CFAP20DC: variants seen among roughly 807,000 people sequenced by gnomAD.
CFAP20DC encodes CFAP20 domain containing.
Under a neutral mutation model 101.7 loss-of-function variants are expected in CFAP20DC, and 84 were observed. The ratio of observed to expected loss-of-function variants is 0.83; its 90% CI spans 0.69 to 0.99. The LOEUF (loss-of-function observed/expected upper bound fraction) is 0.99, where lower values mean the gene tolerates loss of function less well. CFAP20DC is among the 50% of genes least tolerant of loss of function. The probability of loss-of-function intolerance (pLI) is 0.00; values close to 1 mark genes in which losing one functional copy is unlikely to be tolerated. For synonymous variants in CFAP20DC, 359 were observed against 351.2 expected, an observed-to-expected ratio of 1.02 and a Z score of -0.25; for missense variants, 1,007 against 970.3, an observed-to-expected ratio of 1.04 and a Z score of -0.50.
chr3:58,823,428 A>G (rs921221991), intron 14 of CFAP20DC, among the ~76,000 whole-genome samples: 7 of 152,216 alleles, frequency 4.6e-5, no homozygotes, highest in African/African-American at 9.6e-5. Flanking sequence ...AGTATCTACA[A>G]TGAACTACGA....
intron 4 of CFAP20DC, among the ~76,000 whole-genome samples, chr3:58,972,204 T>C (rs189751548): frequency 1.3e-5 from 2 of 152,314 alleles, no homozygotes; most frequent in East Asian, 3.9e-4. Context: ...ATAGGGGCGT[T>C]CTGCTAGGCT....
chr3:58,999,999 T>TA (rs1344673086), intron 4 of CFAP20DC, among the ~76,000 whole-genome samples: 1 of 151,976 alleles, frequency 6.6e-6, no homozygotes, highest in Non-Finnish European at 1.5e-5. Flanking sequence ...CCATATGGAA[T>TA]AAAAAAACTC....
At chr3:58,969,980 G>C (rs1283545801) in intron 4 of CFAP20DC, among the ~76,000 whole-genome samples, 4 of 151,986 alleles carry the variant, frequency 2.6e-5, no homozygotes, top group Non-Finnish European at 5.9e-5. Context: ...AAAAATGACA[G>C]AATCATCCAC....
At chr3:59,039,855 C>A (rs1161861218) in intron 3 of CFAP20DC, among the ~76,000 whole-genome samples, 3 of 151,852 alleles carry the variant, frequency 2.0e-5, no homozygotes, top group Non-Finnish European at 4.4e-5. Flanking sequence ...CCATCTGTGG[C>A]CTTCGTGAAA....
chr3:59,045,491 AAATC>A lies in CFAP20DC; in HGVS notation c.205+734_205+737del, dbSNP rs1290277142. On this transcript the variant is annotated intron_variant, in intron 3 of 16. Transcript: ENST00000482387. Reference sequence around the variant, plus strand: ...ATCATTCTGATAAATCATATTCCTTAAATCAATCAGTTTACTCAAGGTCTAATTT... The same window carrying A: ...ATCATTCTGATAAATCATATTCCTTAAATCAGTTTACTCAAGGTCTAATTT... Among the ~76,000 whole-genome samples the A allele has an allele frequency of 1.8e-4, 28 of 152,124 alleles. 1 individual carries two copies. Among genetic ancestry groups the A allele is most frequent in the Admixed American group, 1.8e-3 (28 of 15,264 alleles).
At chr3:58,858,291 C>T (rs2078995376) in intron 12 of CFAP20DC, among the ~76,000 whole-genome samples, 1 of 152,168 alleles carries the variant, frequency 6.6e-6, no homozygotes, top group Non-Finnish European at 1.5e-5. Flanking sequence ...GTGCCAGGAA[C>T]ATCAATAGAG....
chr3:58,922,753 G>T (rs1438229456), intron 5 of CFAP20DC, among the ~76,000 whole-genome samples: 3 of 151,850 alleles, frequency 2.0e-5, no homozygotes, highest in Non-Finnish European at 4.4e-5. Flanking sequence ...TCCAGCTTCA[G>T]ATATTCCTTT....
chr3:59,047,167 T>C lies in CFAP20DC; in HGVS notation c.109A>G (p.Lys37Glu), dbSNP rs1224223258. 1 of 1,529,522 alleles carries C rather than the reference T, an allele frequency of 6.5e-7. No homozygotes were observed. The highest frequency in any genetic ancestry group is 2.4e-5 in the East Asian group (1 of 40,866). 94.7% of individuals were successfully genotyped at this position (1,529,522 alleles called of 1,614,324 possible). A position where few individuals can be genotyped will look rare whatever the true frequency, so the allele number is the denominator to read the frequency against. ...KILGSPSVIW[K>E]EFDKEVKSFV... is the part of the protein sequence containing the mutation. The stretch of plus-strand genomic sequence containing the variant: ...TGGCTCTAATTTCTAATACTTACTT[T>C]CCAAATCACAGATGGACTACCAAGG... The change falls in exon 2 of 17, where the codon AAA becomes GAA. Residue 37 changes from lysine (K) to glutamate (E), a missense_variant and splice_region_variant. By Grantham distance (56) the Lys-to-Glu change is moderately conservative. Transcript: ENST00000482387.
At chr3:58,813,248 C>T (rs924621890) in intron 14 of CFAP20DC, among the ~76,000 whole-genome samples, 1 of 151,874 alleles carries the variant, frequency 6.6e-6, no homozygotes, top group African/African-American at 2.4e-5. Flanking sequence ...CATAGCTGAA[C>T]AACTATATCT....
In CFAP20DC at chr3:58,788,035, T is replaced by C. The variant is rs1388559866; in HGVS notation, c.2237+18360A>G. ...ATAGCATTAGGAGAAACACCTAATG[T>C]AGATGATGGGTTGATAGGTGCAGCA... On this transcript the variant is annotated intron_variant, in intron 15 of 16. Transcript: ENST00000482387. This position sits in a 1 kb window ranked among gnomAD's most constrained non-coding sequence, Gnocchi z 4.2. 5.3e-5 allele frequency among the ~76,000 whole-genome samples: 8 copies of C among 151,598 alleles called. No homozygotes were observed. Among genetic ancestry groups the C allele is most frequent in the African/African-American group, 1.9e-4 (8 of 41,234 alleles).
intron 4 of CFAP20DC, among the ~76,000 whole-genome samples, chr3:59,013,001 T>G (rs1484539247): frequency 6.6e-6 from 1 of 152,170 alleles, no homozygotes; most frequent in African/African-American, 2.4e-5. Context: ...CATAATTTCA[T>G]GAAGACTTAG....
At chr3:58,734,399 C>T in intron 3 of CFAP20DC, 1 of 366,122 alleles carries the variant, frequency 2.7e-6, no homozygotes, top group South Asian at 2.1e-5. Flanking sequence ...GAGTTCCAAA[C>T]CTGAAAGTCC....
At chr3:58,809,977 C>T (rs902356764) in intron 14 of CFAP20DC, among the ~76,000 whole-genome samples, 2 of 152,146 alleles carry the variant, frequency 1.3e-5, no homozygotes, top group African/African-American at 2.4e-5. Context: ...TTCCTGGACA[C>T]ATACACCATC....
At chr3:58,940,387 T>C (rs2088369712) in intron 4 of CFAP20DC, among the ~76,000 whole-genome samples, 1 of 152,250 alleles carries the variant, frequency 6.6e-6, no homozygotes, top group Non-Finnish European at 1.5e-5. Context: ...AATACTTTCT[T>C]ATGTTTCCTT....
rs547081827 is a variant in CFAP20DC, at chr3:58,811,936, C to CA, written c.2176-5481dup. Among the ~76,000 whole-genome samples the CA allele has an allele frequency of 1.7e-3, 256 of 152,102 alleles. 2 individuals carry two copies. The East Asian group carries it at 0.042, about 25-fold the overall frequency. On this transcript the variant is annotated intron_variant, in intron 14 of 16. Coordinates refer to ENST00000482387, the MANE Select transcript of CFAP20DC (RefSeq NM_001394063.1). ...TTCTCAAAAGAGACATTTATGCAGC[C>CA]AAAAAACACATGAAAAAATGCTTAC...
At chr3:58,927,467 C>T (rs531732369) in intron 5 of CFAP20DC, among the ~76,000 whole-genome samples, 3 of 152,296 alleles carry the variant, frequency 2.0e-5, no homozygotes, top group South Asian at 4.1e-4. Flanking sequence ...GAGGATTCAA[C>T]TTTACAGAAG....
At chr3:59,022,653 C>T (rs2093824246) in intron 4 of CFAP20DC, among the ~76,000 whole-genome samples, 1 of 152,034 alleles carries the variant, frequency 6.6e-6, no homozygotes, top group African/African-American at 2.4e-5. Flanking sequence ...ATGCAACCAA[C>T]CACCTACTAT....
At chr3:58,739,380 T>A (rs990865552), downstream of CFAP20DC, among the ~76,000 whole-genome samples, 1 of 152,258 alleles carries the variant, frequency 6.6e-6, no homozygotes, top group Non-Finnish European at 1.5e-5. Context: ...TACCAAATTA[T>A]CTTAAGATGT....
chr3:58,807,316 C>G (rs142445939), intron 14 of CFAP20DC, among the ~76,000 whole-genome samples: 4,414 of 152,268 alleles, frequency 0.029, 83 homozygotes, highest in Middle Eastern at 0.071. Flanking sequence ...GAGGCACCCC[C>G]CAGTAGGGGC....
Sources: allele counts gnomAD v4.1 joint callset (sites outside exome capture counted in the v4.1 genomes callset), GRCh38; gene constraint gnomAD v4.1.1; non-coding constraint Gnocchi (gnomAD v3.1); transcripts MANE v1.5; gene names NCBI Gene and HGNC (gene_info 2026-07-23, HGNC 2026-07-21).